Variants in PDE4D observed in about 807,000 individuals in gnomAD.
PDE4D encodes 3',5'-cyclic-AMP phosphodiesterase 4D.
In PDE4D, 24 loss-of-function variants were observed where a neutral mutation model predicts 87.4. The observed-to-expected ratio is 0.27, with a 90% CI of 0.20 to 0.39. The LOEUF (loss-of-function observed/expected upper bound fraction) is 0.39. PDE4D is among the 10% of genes least tolerant of loss of function. The pLI, the probability that PDE4D is intolerant of heterozygous loss-of-function variation, is 1.00. For synonymous variants in PDE4D, 384 were observed against 383.2 expected, an observed-to-expected ratio of 1.00 and a Z score of -0.02; for missense variants, 714 against 1,041.0, an observed-to-expected ratio of 0.69 and a Z score of 4.32.
intron 2 of PDE4D, among the ~76,000 whole-genome samples, chr5:60,128,354 A>T (rs1779290400): frequency 6.6e-6 from 1 of 152,214 alleles, no homozygotes; most frequent in Admixed American, 6.5e-5. Flanking sequence ...AGTGGCAGAG[A>T]GTCAATGAAA....
intron 1 of PDE4D, among the ~76,000 whole-genome samples, chr5:60,405,055 A>G (rs540856722): frequency 6.6e-6 from 1 of 152,210 alleles, no homozygotes; most frequent in Non-Finnish European, 1.5e-5. Context: ...CTTTCAACTA[A>G]ATTTGGCTGA....
chr5:60,003,600 C>T (rs770885356), intron 2 of PDE4D, among the ~76,000 whole-genome samples: 4 of 151,110 alleles, frequency 2.6e-5, no homozygotes, highest in Non-Finnish European at 5.9e-5. Flanking sequence ...ATCCCAGCTA[C>T]TAGAGAGGCT....
rs74977002 is a variant in PDE4D, at chr5:59,863,502, G to A, written c.455+29666C>T. Reference sequence around the variant, plus strand: ...AATAGAAAATTTCGAATGAAGCACCGAATATCTTTTAACTTCAGTTTGAAA... The same window carrying A: ...AATAGAAAATTTCGAATGAAGCACCAAATATCTTTTAACTTCAGTTTGAAA... On this transcript the variant is annotated intron_variant, in intron 1 of 14. Coordinates refer to ENST00000340635, the MANE Select transcript of PDE4D (RefSeq NM_001104631.2). Among the ~76,000 whole-genome samples the A allele has an allele frequency of 3.1e-3, 464 of 152,106 alleles. 3 individuals are homozygous for A. The highest frequency in any genetic ancestry group is 0.011 in the African/African-American group (449 of 41,516).
rs1046303290 is a variant in PDE4D at position 59,203,649 on chromosome 5, A to C, written c.648-10113T>G. The stretch of plus-strand genomic sequence containing the variant: ...TACACACACACACACACACACTAGA[A>C]TCCTACTCAGGCTTAAAAAGGGGAT... On this transcript the variant is annotated intron_variant, in intron 2 of 14. Coordinates refer to ENST00000340635, the MANE Select transcript of PDE4D (RefSeq NM_001104631.2). 4.6e-5 allele frequency among the ~76,000 whole-genome samples: 7 copies of C among 151,816 alleles called. No homozygotes were observed. The South Asian group carries it at 1.3e-3, about 27-fold the overall frequency.
intron 5 of PDE4D, among the ~76,000 whole-genome samples, chr5:59,095,286 A>T (rs557932174): frequency 1.3e-5 from 2 of 151,110 alleles, no homozygotes; most frequent in Admixed American, 1.3e-4. Flanking sequence ...TTCATTAACA[A>T]TCTCATAATG....
chr5:59,305,842 T>C (rs541427097), intron 1 of PDE4D, among the ~76,000 whole-genome samples: 1 of 152,264 alleles, frequency 6.6e-6, no homozygotes, highest in African/African-American at 2.4e-5. Context: ...TTGGAGAAAG[T>C]TCCATGCACT....
At chr5:59,644,171 C>T (rs572047179) in intron 1 of PDE4D, among the ~76,000 whole-genome samples, 2 of 152,272 alleles carry the variant, frequency 1.3e-5, no homozygotes, top group South Asian at 4.1e-4. Context: ...CTGGATGTTG[C>T]ATGTTCTCTG....
chr5:59,651,117 G>A (rs955505516), intron 1 of PDE4D, among the ~76,000 whole-genome samples: 6 of 151,546 alleles, frequency 4.0e-5, no homozygotes, highest in African/African-American at 4.8e-5. Context: ...TTAGCCTGGC[G>A]TGGTGGCAGG....
chr5:59,103,933 T>C (rs577040194), intron 5 of PDE4D, among the ~76,000 whole-genome samples: 1 of 152,194 alleles, frequency 6.6e-6, no homozygotes, highest in South Asian at 2.1e-4. Context: ...TTACTAAATG[T>C]AAAACTATCC....
chr5:59,283,750 A>G (rs1279663604), intron 1 of PDE4D, among the ~76,000 whole-genome samples: 1 of 152,076 alleles, frequency 6.6e-6, no homozygotes, highest in African/African-American at 2.4e-5. Context: ...CTCCAAGACA[A>G]ACTCAGAAGT....
chr5:59,420,163 TCTC>T (rs1224701043), intron 1 of PDE4D, among the ~76,000 whole-genome samples: 4 of 152,310 alleles, frequency 2.6e-5, no homozygotes, highest in South Asian at 4.1e-4. Context: ...AGTATCAGGT[TCTC>T]CTCAGTCACA....
chr5:59,316,683 T>A lies in PDE4D; in HGVS notation c.456-100715A>T, dbSNP rs1282417835. Reference sequence around the variant, plus strand: ...ACTTACCCACAGACACAGCTCTATGTAATGAACTCTAGAATGTGGTTAGTG... The same window carrying A: ...ACTTACCCACAGACACAGCTCTATGAAATGAACTCTAGAATGTGGTTAGTG... On this transcript the variant is annotated intron_variant, in intron 1 of 14. Transcript: ENST00000340635. Among the ~76,000 whole-genome samples the A allele has an allele frequency of 7.2e-5, 11 of 152,216 alleles. No individual in the cohort carries two copies. The South Asian group carries it at 1.9e-3, about 26-fold the overall frequency.
At chr5:59,522,783 C>T (rs939703378) in intron 1 of PDE4D, among the ~76,000 whole-genome samples, 2 of 152,108 alleles carry the variant, frequency 1.3e-5, no homozygotes, top group African/African-American at 4.8e-5. Context: ...TTCAGAGGAC[C>T]TCTACTGCTA....
chr5:59,052,837 A>T (rs909217217), intron 5 of PDE4D, among the ~76,000 whole-genome samples: 1 of 152,188 alleles, frequency 6.6e-6, no homozygotes, highest in African/African-American at 2.4e-5. Flanking sequence ...TCATATCTCT[A>T]TCTTTTTTGG....
At chr5:59,797,130 T>A (rs1766576219) in intron 1 of PDE4D, 2 of 133,704 alleles carry the variant, frequency 1.5e-5, no homozygotes. Flanking sequence ...AGAGACATTC[T>A]CTCTAAAAAA....
intron 1 of PDE4D, among the ~76,000 whole-genome samples, chr5:59,632,809 A>G (rs1831740193): frequency 6.6e-6 from 1 of 152,234 alleles, no homozygotes; most frequent in Non-Finnish European, 1.5e-5. Context: ...GAAATTCCAA[A>G]AAACAGAATG....
At chr5:60,415,307 C>T (rs1206600806) in intron 1 of PDE4D, among the ~76,000 whole-genome samples, 1 of 152,274 alleles carries the variant, frequency 6.6e-6, no homozygotes, top group Admixed American at 6.5e-5. Flanking sequence ...GCCCTCACAG[C>T]CCTTGCTGGC....
intron 2 of PDE4D, among the ~76,000 whole-genome samples, chr5:60,003,832 A>G (rs2152840374): frequency 6.6e-6 from 1 of 152,260 alleles, no homozygotes; most frequent in Non-Finnish European, 1.5e-5. Flanking sequence ...AAAAACAGAC[A>G]CACAGAACAA....
chr5:60,144,723 A>G (rs542005774), intron 2 of PDE4D, among the ~76,000 whole-genome samples: 1 of 152,330 alleles, frequency 6.6e-6, no homozygotes, highest in Admixed American at 6.5e-5. Flanking sequence ...CTTTGGAATT[A>G]GATATTTTTG....
Sources: gnomAD v4.1 joint callset for allele counts (sites outside exome capture counted in the v4.1 genomes callset) on GRCh38, gnomAD v4.1.1 for gene constraint, MANE v1.5 for transcripts, NCBI Gene and HGNC (gene_info 2026-07-23, HGNC 2026-07-21) for gene names.